CSMD1: variants seen among roughly 807,000 people sequenced by gnomAD.
The protein encoded by CSMD1 is CUB and sushi domain-containing protein 1.
CSMD1 carries 213 observed loss-of-function variants against 417.5 expected under a neutral mutation model. The ratio of observed to expected loss-of-function variants is 0.51; its 90% CI spans 0.46 to 0.57. The LOEUF (loss-of-function observed/expected upper bound fraction) is 0.57, where lower values mean the gene tolerates loss of function less well. CSMD1 is among the 20% of genes least tolerant of loss of function. The pLI, the probability that CSMD1 is intolerant of heterozygous loss-of-function variation, is 0.00. For missense variants in CSMD1, 6,923 were observed against 4,529.7 expected (o/e 1.53, Z -15.17); for synonymous variants, 2,862 against 1,736.8 (o/e 1.65, Z -16.11).
intron 2 of CSMD1, among the ~76,000 whole-genome samples, chr8:4,543,511 G>A (rs987438931): frequency 6.6e-6 from 1 of 151,804 alleles, no homozygotes; most frequent in Non-Finnish European, 1.5e-5. Context: ...TTATCTGTAT[G>A]GACCACAGTT....
At chr8:3,558,181 C>G (rs1479472351) in intron 10 of CSMD1, among the ~76,000 whole-genome samples, 1 of 149,398 alleles carries the variant, frequency 6.7e-6, no homozygotes, top group African/African-American at 2.5e-5. Flanking sequence ...CGTGTCCACT[C>G]CTCCAATGAT....
intron 3 of CSMD1, among the ~76,000 whole-genome samples, chr8:4,115,563 G>C (rs542743866): frequency 1.1e-4 from 16 of 151,940 alleles, no homozygotes; most frequent in African/African-American, 3.6e-4. Flanking sequence ...TTTATTATTT[G>C]GCTAATAAGG....
chr8:3,290,185 T>C (rs1229640555), intron 25 of CSMD1, among the ~76,000 whole-genome samples: 3 of 147,282 alleles, frequency 2.0e-5, no homozygotes, highest in South Asian at 2.1e-4. Flanking sequence ...CATTGGTCTC[T>C]ATCTCTGTTT....
chr8:4,128,075 A>C (rs560179324), intron 3 of CSMD1, among the ~76,000 whole-genome samples: 1 of 152,292 alleles, frequency 6.6e-6, no homozygotes, highest in South Asian at 2.1e-4. Flanking sequence ...ACAAGACCTC[A>C]AAATGGTTCC....
At chr8:4,014,039 A>T (rs1796402917) in intron 4 of CSMD1, among the ~76,000 whole-genome samples, 1 of 152,226 alleles carries the variant, frequency 6.6e-6, no homozygotes, top group Admixed American at 6.5e-5. Flanking sequence ...AGAAATATTG[A>T]TGTGTATTGG....
intron 7 of CSMD1, among the ~76,000 whole-genome samples, chr8:3,637,192 T>G (rs576232770): frequency 4.6e-5 from 7 of 152,342 alleles, no homozygotes; most frequent in Non-Finnish European, 1.0e-4. Flanking sequence ...TAACACAGTT[T>G]TTAAGCTGTG....
chr8:4,603,813 G>T (rs534273928), intron 2 of CSMD1, among the ~76,000 whole-genome samples: 2 of 152,178 alleles, frequency 1.3e-5, no homozygotes, highest in South Asian at 4.1e-4. Flanking sequence ...GTTTGAGAAA[G>T]CAGCACACAT....
intron 1 of CSMD1, among the ~76,000 whole-genome samples, chr8:4,842,197 G>T (rs774833462): frequency 6.6e-6 from 1 of 152,180 alleles, no homozygotes; most frequent in Admixed American, 6.5e-5. Context: ...AATTGTAGCT[G>T]TAAACAGGTG....
intron 8 of CSMD1, among the ~76,000 whole-genome samples, chr8:3,587,970 A>C (rs962488740): frequency 1.3e-5 from 2 of 152,100 alleles, no homozygotes; most frequent in Admixed American, 6.5e-5. Flanking sequence ...CGTGATTCCC[A>C]TTTTCATTGC....
intron 3 of CSMD1, among the ~76,000 whole-genome samples, chr8:4,086,974 G>T (rs1800453909): frequency 1.3e-5 from 2 of 152,202 alleles, no homozygotes; most frequent in African/African-American, 4.8e-5. Context: ...ATTGCTCTGA[G>T]CTTCTGTTTC....
At chr8:3,301,197 T>C (rs1804375542) in intron 25 of CSMD1, among the ~76,000 whole-genome samples, 1 of 151,710 alleles carries the variant, frequency 6.6e-6, no homozygotes, top group Admixed American at 6.6e-5. Flanking sequence ...ATTTTTAAAA[T>C]AAAACAAACC....
intron 3 of CSMD1, among the ~76,000 whole-genome samples, chr8:4,345,530 G>C (rs1327945358): frequency 6.6e-6 from 1 of 152,008 alleles, no homozygotes; most frequent in Non-Finnish European, 1.5e-5. Context: ...ACAACATGCA[G>C]AATGGGGGAA....
intron 3 of CSMD1, among the ~76,000 whole-genome samples, chr8:4,260,601 T>C (rs888547474): frequency 3.3e-5 from 5 of 152,184 alleles, no homozygotes; most frequent in Admixed American, 1.3e-4. Context: ...TGAAAACACA[T>C]ATTTGTGGTT....
In CSMD1 at chr8:3,110,220, G is replaced by A. The variant is rs776073303; in HGVS notation, c.6546C>T (p.His2182=). Reference sequence around the variant, plus strand: ...ACAGGGTGAAGTTGATGTAAACTCCGTGCCCTGGAGGCACCGTGATGAGCC... The same window carrying A: ...ACAGGGTGAAGTTGATGTAAACTCCATGCCCTGGAGGCACCGTGATGAGCC... ...CIWLITVPPG[H]GVYINFTLLQ... is the part of the protein sequence containing the mutation. Residue 2182 remains histidine, a synonymous_variant, in exon 43 of 70, where the codon CAC becomes CAT. Coordinates refer to ENST00000635120, the MANE Select transcript of CSMD1 (RefSeq NM_033225.6). 16 of 1,613,002 alleles carry A rather than the reference G, an allele frequency of 9.9e-6. No homozygotes were observed. Among genetic ancestry groups the A allele is most frequent in the East Asian group, 4.5e-5 (2 of 44,852 alleles).
chr8:3,507,861 T>C (rs933360157), intron 10 of CSMD1, among the ~76,000 whole-genome samples: 10 of 152,178 alleles, frequency 6.6e-5, no homozygotes, highest in Non-Finnish European at 1.3e-4. Flanking sequence ...TTGTTTGTTT[T>C]TTTTCTTGCA....
chr8:3,113,966 C>T (rs2129017214), intron 42 of CSMD1, among the ~76,000 whole-genome samples: 1 of 152,248 alleles, frequency 6.6e-6, no homozygotes, highest in South Asian at 2.1e-4. Flanking sequence ...AGCTGTAATT[C>T]CAGCACTTTG....
intron 12 of CSMD1, among the ~76,000 whole-genome samples, chr8:3,430,011 A>G (rs1294244234): frequency 6.6e-6 from 1 of 152,214 alleles, no homozygotes; most frequent in Non-Finnish European, 1.5e-5. Context: ...TACATGTACA[A>G]ATTTAATTAT....
At chr8:3,947,826 T>A (rs1456507477) in intron 5 of CSMD1, among the ~76,000 whole-genome samples, 3 of 152,184 alleles carry the variant, frequency 2.0e-5, no homozygotes, top group Admixed American at 1.3e-4. Context: ...TTCAAGTAGG[T>A]CACATTTGTT....
At chr8:3,899,140 G>C (rs917476252) in intron 5 of CSMD1, among the ~76,000 whole-genome samples, 3 of 152,146 alleles carry the variant, frequency 2.0e-5, no homozygotes, top group African/African-American at 7.2e-5. Context: ...AGGTAACAAG[G>C]ACACAAAGAT....
Sources: allele counts gnomAD v4.1 joint callset (sites outside exome capture counted in the v4.1 genomes callset), GRCh38; gene constraint gnomAD v4.1.1; transcripts MANE v1.5; gene names NCBI Gene and HGNC (gene_info 2026-07-23, HGNC 2026-07-21).